Variants in PPP2R3A observed in about 807,000 individuals in gnomAD.
The protein encoded by PPP2R3A is serine/threonine-protein phosphatase 2A regulatory subunit B'' subunit alpha.
In PPP2R3A, 80 loss-of-function variants were observed where a neutral mutation model predicts 106.9. The observed-to-expected ratio is 0.75, with a 90% CI of 0.62 to 0.90. The LOEUF is 0.90. Ranked by LOEUF, PPP2R3A falls within the 40% of genes least tolerant of loss-of-function variation. The pLI is 0.00. For synonymous variants in PPP2R3A, 483 were observed against 468.3 expected (o/e 1.03, Z -0.41); for missense variants, 1,386 against 1,350.4 (o/e 1.03, Z -0.41).
chr3:136,121,585 T>G (rs1937999316), intron 13 of PPP2R3A, among the ~76,000 whole-genome samples: 1 of 151,884 alleles, frequency 6.6e-6, no homozygotes, highest in Non-Finnish European at 1.5e-5. Context: ...GAATCTAAAA[T>G]AAAAGTTGAA....
intron 5 of PPP2R3A, among the ~76,000 whole-genome samples, chr3:136,061,575 C>G (rs776843950): frequency 3.3e-5 from 5 of 151,866 alleles, no homozygotes; most frequent in African/African-American, 7.3e-5. Flanking sequence ...TTGCCGTGAG[C>G]TGAGATTGCG....
chr3:136,002,039 T>C lies in PPP2R3A; in HGVS notation c.541T>C (p.Ser181Pro). 6.2e-7 allele frequency: 1 copy of C among 1,613,956 alleles called. No homozygotes were observed. The stretch of plus-strand genomic sequence containing the variant: ...ATCCTTTGGTTTACTGCGGAGTTCC[T>C]CAGTTGAGGAAAAACCTTTGTCTCA... ...APSFGLLRSS[S>P]VEEKPLSHRN... Residue 181 changes from serine (S) to proline (P), a missense_variant, in exon 2 of 14, where the codon TCA becomes CCA. Transcript: ENST00000264977.
At chr3:136,057,075 C>G (rs1041946210) in intron 5 of PPP2R3A, among the ~76,000 whole-genome samples, 7 of 138,928 alleles carry the variant, frequency 5.0e-5, no homozygotes, top group Non-Finnish European at 8.3e-5. Flanking sequence ...GAGGACCCCC[C>G]CCACACACAC....
At chr3:136,100,519 A>G (rs999528257) in intron 10 of PPP2R3A, among the ~76,000 whole-genome samples, 2 of 151,992 alleles carry the variant, frequency 1.3e-5, no homozygotes, top group African/African-American at 4.8e-5. Flanking sequence ...TCCTTAAAAA[A>G]AAAAAAAAAA....
chr3:136,073,188 C>T (rs528154007), intron 6 of PPP2R3A, among the ~76,000 whole-genome samples: 19 of 152,228 alleles, frequency 1.2e-4, no homozygotes, highest in Admixed American at 7.8e-4. Flanking sequence ...AGGATGGTCT[C>T]GATCTCCTGA....
At chr3:136,137,056 A>G (rs1414502598) in intron 13 of PPP2R3A, among the ~76,000 whole-genome samples, 1 of 152,216 alleles carries the variant, frequency 6.6e-6, no homozygotes, top group African/African-American at 2.4e-5. Flanking sequence ...ACTTAATCCA[A>G]GTCAACTAAA....
chr3:136,141,485 A>T (rs1389232199), intron 13 of PPP2R3A, among the ~76,000 whole-genome samples: 1 of 152,250 alleles, frequency 6.6e-6, no homozygotes, highest in Non-Finnish European at 1.5e-5. Context: ...CCTACCCCTT[A>T]GGTTTTCTGA....
chr3:135,983,174 A>C (rs1385251682), intron 1 of PPP2R3A, among the ~76,000 whole-genome samples: 1 of 152,232 alleles, frequency 6.6e-6, no homozygotes, highest in Non-Finnish European at 1.5e-5. Flanking sequence ...AGCTCAAAGT[A>C]ATCTGCATTT....
intron 13 of PPP2R3A, among the ~76,000 whole-genome samples, chr3:136,130,194 G>C (rs938924929): frequency 3.3e-5 from 5 of 152,062 alleles, no homozygotes; most frequent in Non-Finnish European, 1.5e-5. Flanking sequence ...AGAAATAAAG[G>C]GTATTCAGAT....
At position 136,049,775 on chromosome 3, in the gene PPP2R3A, G is replaced by C. The variant is rs111439696; in HGVS notation, c.2469+414G>C. On this transcript the variant is annotated intron_variant, in intron 5 of 13. Coordinates refer to ENST00000264977, the MANE Select transcript of PPP2R3A (RefSeq NM_002718.5). ...GAAAGAAAAGGTCATGATGTAACCA[G>C]GATCACTCTCACGAACTCTGGGGTC... Among the ~76,000 whole-genome samples, 9 of 152,284 alleles carry C rather than the reference G, an allele frequency of 5.9e-5. 1 individual carries two copies. Among genetic ancestry groups the C allele is most frequent in the African/African-American group, 1.9e-4 (8 of 41,566 alleles).
chr3:136,137,534 A>ATTTTTTTTGTTTTTTTTTTTTTTTTTT (rs1938669718), intron 13 of PPP2R3A, among the ~76,000 whole-genome samples: 1 of 40,528 alleles, frequency 2.5e-5, no homozygotes, highest in Non-Finnish European at 4.7e-5. Context: ...TCTGTCAGAG[A>ATTTTTTTTGTTTTTTTTTTTTTTTTTT]TTTTTTTTTT....
At chr3:136,103,600 G>C (rs1937438048) in intron 12 of PPP2R3A, among the ~76,000 whole-genome samples, 1 of 152,068 alleles carries the variant, frequency 6.6e-6, no homozygotes, top group Non-Finnish European at 1.5e-5. Context: ...ACTTTCCACT[G>C]AGCGGACTCT....
At chr3:136,014,525 A>G (rs1934205343) in intron 2 of PPP2R3A, among the ~76,000 whole-genome samples, 1 of 152,054 alleles carries the variant, frequency 6.6e-6, no homozygotes. Context: ...TTCCTTGCAG[A>G]GGTCTTTCAC....
chr3:136,047,821 C>T (rs1448928411), intron 4 of PPP2R3A, among the ~76,000 whole-genome samples: 6 of 151,702 alleles, frequency 4.0e-5, no homozygotes, highest in African/African-American at 1.5e-4. Flanking sequence ...AGGAGAATGG[C>T]GTGAACCCAG....
chr3:135,977,161 A>C (rs934703888), intron 1 of PPP2R3A, among the ~76,000 whole-genome samples: 24 of 152,204 alleles, frequency 1.6e-4, no homozygotes, highest in Admixed American at 1.6e-3. Context: ...GGTGTAAAGC[A>C]TAGCAATACA....
intron 3 of PPP2R3A, among the ~76,000 whole-genome samples, chr3:136,034,468 T>G (rs149796846): frequency 0.012 from 1,898 of 152,298 alleles, 39 homozygotes; most frequent in African/African-American, 0.044. Flanking sequence ...CCATCTTGAT[T>G]TCATTTTTGA....
At chr3:136,021,120 A>G (rs961743547) in intron 2 of PPP2R3A, among the ~76,000 whole-genome samples, 1 of 152,092 alleles carries the variant, frequency 6.6e-6, no homozygotes, top group Non-Finnish European at 1.5e-5. Flanking sequence ...ATAAGCATTA[A>G]ATTGTAAGTC....
At chr3:136,117,966 G>A (rs571439849) in intron 13 of PPP2R3A, among the ~76,000 whole-genome samples, 9 of 152,234 alleles carry the variant, frequency 5.9e-5, no homozygotes, top group South Asian at 4.1e-4. Context: ...ACATCGATGC[G>A]AAAATCCTCA....
chr3:136,108,601 C>T (rs544305557), intron 13 of PPP2R3A, among the ~76,000 whole-genome samples: 34 of 152,042 alleles, frequency 2.2e-4, no homozygotes, highest in East Asian at 5.8e-4. Flanking sequence ...TCAGAAATCA[C>T]GCCATATCCA....
Sources: allele counts gnomAD v4.1 joint callset (sites outside exome capture counted in the v4.1 genomes callset), GRCh38; gene constraint gnomAD v4.1.1; transcripts MANE v1.5; gene names NCBI Gene and HGNC (gene_info 2026-07-23, HGNC 2026-07-21).